The following RABL6 variants were observed in gnomAD, a reference collection of about 807,000 sequenced individuals.
The protein encoded by RABL6 is rab-like protein 6.
In RABL6, 28 loss-of-function variants were observed where a neutral mutation model predicts 72.9. The ratio of observed to expected loss-of-function variants is 0.38; its 90% CI spans 0.28 to 0.53. The LOEUF is 0.53. Among genes scored for constraint, RABL6 ranks in the 20% least tolerant of loss-of-function variants. The pLI, the probability that RABL6 is intolerant of heterozygous loss-of-function variation, is 0.80. For missense variants in RABL6, 1,029 were observed against 1,008.4 expected, an observed-to-expected ratio of 1.02 and a Z score of -0.28; for synonymous variants, 477 against 421.2, an observed-to-expected ratio of 1.13 and a Z score of -1.62.
intron 1 of RABL6, among the ~76,000 whole-genome samples, chr9:136,819,317 G>A (rs1459401888): frequency 1.3e-4 from 17 of 132,676 alleles, no homozygotes; most frequent in Non-Finnish European, 1.9e-4. Flanking sequence ...ACGAGACTCC[G>A]TCTCAAGAAA....
At chr9:136,810,346 G>T (rs567541287) in intron 1 of RABL6, among the ~76,000 whole-genome samples, 1 of 152,168 alleles carries the variant, frequency 6.6e-6, no homozygotes, top group Non-Finnish European at 1.5e-5. Context: ...GAGGAGAAAA[G>T]CCAGTCTCCA....
At position 136,841,063 on chromosome 9, in the gene RABL6, TGG is replaced by T; in HGVS notation, c.*545_*546del. The T allele has an allele frequency of 7.1e-7, 1 of 1,414,188 alleles. No homozygotes were observed. Among genetic ancestry groups the T allele is most frequent in the Non-Finnish European group, 9.2e-7 (1 of 1,085,512 alleles). The allele number at this position is 1,414,188 out of a possible 1,614,324, so 87.6% of individuals were successfully genotyped here. A position where few individuals can be genotyped will look rare whatever the true frequency, so the allele number is the denominator to read the frequency against. The stretch of plus-strand genomic sequence containing the variant: ...CAGCATGTGAGGCCTCTCCTGGGAG[TGG>T]GGGTTGTGTTTCCCACAGTGGCCTC... On this transcript the variant is annotated 3_prime_UTR_variant, in exon 15 of 15. Transcript: ENST00000311502.
chr9:136,834,371 C>G, intron 7 of RABL6: 1 of 993,908 alleles, frequency 1.0e-6, no homozygotes, highest in African/African-American at 1.7e-5. Flanking sequence ...GGTCAGTATT[C>G]AGAGTAGGAT....
intron 13 of RABL6, 71 bp from the exon 14 acceptor site, chr9:136,840,083 A>G: frequency 6.3e-7 from 1 of 1,599,264 alleles, no homozygotes; most frequent in South Asian, 1.1e-5. Flanking sequence ...GAGTTTCTAG[A>G]GAAGTCCTGT....
At chr9:136,815,155 G>A (rs996502409) in intron 1 of RABL6, 14 of 318,502 alleles carry the variant, frequency 4.4e-5, no homozygotes, top group African/African-American at 6.8e-5. Flanking sequence ...CCTCCTCATC[G>A]CTGTCTTCCT....
In RABL6 at chr9:136,839,314, G is replaced by C. The variant is rs776256985; in HGVS notation, c.1586G>C (p.Gly529Ala). Residue 529 changes from glycine (G) to alanine (A), a missense_variant, in exon 12 of 15, where the codon GGT (glycine) becomes GCT (alanine). Physicochemically the swap from Gly to Ala is moderately conservative, Grantham distance 60. Around this residue, in one of 2 missense-constraint regions of RABL6, gnomAD observed 595 missense variants for 472.4 expected, o/e 1.26. Transcript: ENST00000311502. Reference sequence around the variant, plus strand: ...CCAGGCGGTGTCTCTGTTCGCACAGGTCCGGAGAAGCGCAGCAGCACCAGG... The same window carrying C: ...CCAGGCGGTGTCTCTGTTCGCACAGCTCCGGAGAAGCGCAGCAGCACCAGG... The part of the protein sequence containing the change: ...PWPGGVSVRT[G>A]PEKRSSTRPP... 6.2e-7 allele frequency: 1 copy of C among 1,612,442 alleles called. No homozygotes were observed. Among genetic ancestry groups the C allele is most frequent in the Non-Finnish European group, 8.5e-7 (1 of 1,179,742 alleles).
intron 5 of RABL6, 35 bp from the exon 6 acceptor site, chr9:136,831,686 C>T (rs758865580): frequency 3.7e-6 from 6 of 1,610,710 alleles, no homozygotes; most frequent in Admixed American, 3.3e-5. Flanking sequence ...CGTCGCAGGG[C>T]TGAAACTAAG....
chr9:136,825,987 C>T (rs570388641), intron 3 of RABL6, among the ~76,000 whole-genome samples, 161 bp downstream of exon 3: 14 of 152,294 alleles, frequency 9.2e-5, no homozygotes, highest in Admixed American at 6.5e-4. Context: ...GTGGCGACCC[C>T]GCAGCGTGGC....
intron 1 of RABL6, chr9:136,821,588 C>CA: frequency 1.0e-6 from 1 of 986,430 alleles, no homozygotes; most frequent in Non-Finnish European, 1.2e-6. Context: ...CGACTGAGCC[C>CA]AGAGCTGTGG....
Position 136,840,347 on chromosome 9 carries a change from A to G in RABL6, c.2015A>G (p.Lys672Arg), listed in dbSNP as rs763375600. Reference protein sequence around the residue: ...KEEEEKAAKKKSKHKKSKDKE... With the variant: ...KEEEEKAAKKRSKHKKSKDKE... Reference sequence around the variant, plus strand: ...GAAGAAGAAAAAGCTGCCAAGAAGAAGAGCAAACACAAGAAGAGCAAGGAC... The same window carrying G: ...GAAGAAGAAAAAGCTGCCAAGAAGAGGAGCAAACACAAGAAGAGCAAGGAC... The change falls in exon 15 of 15, where the codon AAG becomes AGG. Residue 672 changes from lysine to arginine, a missense_variant. By Grantham distance (26) the Lys-to-Arg change is conservative (BLOSUM62 2). Transcript: ENST00000311502. The G allele has an allele frequency of 3.2e-6, 5 of 1,566,260 alleles. No homozygotes were observed. The highest frequency in any genetic ancestry group is 3.5e-6 in the Non-Finnish European group (4 of 1,155,896).
At chr9:136,814,140 A>G (rs1315252465) in intron 1 of RABL6, 1 of 316,058 alleles carries the variant, frequency 3.2e-6, no homozygotes, top group Non-Finnish European at 6.5e-6. Context: ...CCATTCTGAC[A>G]TCCACAACAG....
In RABL6 at chr9:136,840,407, A is replaced by G. The variant is rs1314115901; in HGVS notation, c.2075A>G (p.Gln692Arg). The G allele has an allele frequency of 5.8e-6, 9 of 1,550,622 alleles. No homozygotes were observed. The highest frequency in any genetic ancestry group is 5.5e-5 in the African/African-American group (4 of 73,056). The change falls in exon 15 of 15, where the codon CAG (glutamine) becomes CGG (arginine). Residue 692 changes from glutamine to arginine, a missense_variant. This residue lies in a region of RABL6 where 595 missense variants were observed against 472.4 expected (regional missense o/e 1.26). Transcript: ENST00000311502. ...EEGKEERRRR[Q>R]QRPPRSRERT... ...GGCAAGGAGGAGCGGCGACGGCGGC[A>G]GCAGCGGCCCCCGCGCAGCAGGGAG...
intron 6 of RABL6, 151 bp from the exon 7 acceptor site, chr9:136,832,114 G>T: frequency 1.1e-6 from 1 of 891,840 alleles, no homozygotes; most frequent in Non-Finnish European, 1.7e-6. Flanking sequence ...ACTCGGCTTA[G>T]CTGCTTAGCA....
chr9:136,810,045 A>G (rs899329389), intron 1 of RABL6: 1 of 152,256 alleles, frequency 6.6e-6, no homozygotes, highest in African/African-American at 2.4e-5. Context: ...TAAATGTGTT[A>G]TAATTGAAAC....
intron 2 of RABL6, among the ~76,000 whole-genome samples, chr9:136,824,355 CAG>C (rs1848307304): frequency 9.8e-6 from 1 of 101,570 alleles, no homozygotes; most frequent in Admixed American, 1.5e-4. Flanking sequence ...TTTTTTGAGA[CAG>C]AGTCTCACTG....
At chr9:136,822,685 G>T (rs901574786) in intron 1 of RABL6, among the ~76,000 whole-genome samples, 1 of 152,188 alleles carries the variant, frequency 6.6e-6, no homozygotes, top group Non-Finnish European at 1.5e-5. Flanking sequence ...AAGCTGGGCA[G>T]TGGCCTCTCC....
At chr9:136,834,929 TAAAAAAA>T (rs71385775) in intron 7 of RABL6, among the ~76,000 whole-genome samples, 3 of 74,406 alleles carry the variant, frequency 4.0e-5, no homozygotes, top group African/African-American at 1.6e-4. Context: ...GACCCTGTTC[TAAAAAAA>T]AAAAAAAAAA....
chr9:136,837,511 C>A lies in RABL6; in HGVS notation c.975C>A (p.Leu325=). Residue 325 remains leucine (L), a synonymous_variant, in exon 9 of 15, where the codon CTC becomes CTA. Coordinates refer to ENST00000311502, the MANE Select transcript of RABL6 (RefSeq NM_024718.5). ...GTPQPAPQLP[L]NAAPPSSVPP... The stretch of plus-strand genomic sequence containing the variant: ...CCCAGCCCGCCCCACAGCTGCCCCT[C>A]AATGCCGCCCCACCATCCTCTGTGC... 1 of 1,542,378 alleles carries A rather than the reference C, an allele frequency of 6.5e-7. No individual in the cohort carries two copies.
rs75364932 is a variant in RABL6 at position 136,832,484 on chromosome 9, C to T, written c.705+114C>T. ...CCCCTGAGAAAGCTGTGGACCTGCT[C>T]GGAGATTGGCTGCTGGCAAGGGCCC... On this transcript the variant is annotated intron_variant, in intron 7 of 14. Transcript: ENST00000311502. 1,331 of 890,084 alleles carry T rather than the reference C, an allele frequency of 1.5e-3. 8 individuals carry two copies. The African/African-American group carries it at 0.019, about 13-fold the overall frequency. 55.1% of individuals were successfully genotyped at this position (890,084 alleles called of 1,614,324 possible).
Sources: allele counts gnomAD v4.1 joint callset (sites outside exome capture counted in the v4.1 genomes callset), GRCh38; gene constraint gnomAD v4.1.1; regional missense constraint gnomAD v4.1.1; transcripts MANE v1.5; gene names NCBI Gene and HGNC (gene_info 2026-07-23, HGNC 2026-07-21).